The following NRXN3 variants were observed in gnomAD, a reference collection of about 807,000 sequenced individuals.
NRXN3 encodes the protein neurexin III.
NRXN3 carries 32 observed loss-of-function variants against 137.6 expected under a neutral mutation model. That is an observed-to-expected ratio of 0.23 (90% CI 0.18 to 0.31). The LOEUF (loss-of-function observed/expected upper bound fraction) is 0.31. Among genes scored for constraint, NRXN3 ranks in the 10% least tolerant of loss-of-function variants. The probability of loss-of-function intolerance (pLI) is 1.00; values close to 1 mark genes in which losing one functional copy is unlikely to be tolerated. For missense variants in NRXN3, 1,574 were observed against 2,062.5 expected, an observed-to-expected ratio of 0.76 and a Z score of 4.59; for synonymous variants, 798 against 784.5, an observed-to-expected ratio of 1.02 and a Z score of -0.29.
At chr14:78,496,726 A>G (rs545544871) in intron 4 of NRXN3, among the ~76,000 whole-genome samples, 1 of 152,144 alleles carries the variant, frequency 6.6e-6, no homozygotes, top group South Asian at 2.1e-4. Context: ...AGAGGTGCTG[A>G]GTAGGAGGAT....
intron 15 of NRXN3, among the ~76,000 whole-genome samples, chr14:79,214,237 C>T (rs987269621): frequency 6.6e-6 from 1 of 152,212 alleles, no homozygotes; most frequent in African/African-American, 2.4e-5. Flanking sequence ...ATTCTGTGGT[C>T]ACCTGGAAGG....
At chr14:78,297,739 G>A in intron 3 of NRXN3, 92 bp from the exon 4 acceptor site, 2 of 956,404 alleles carry the variant, frequency 2.1e-6, no homozygotes, top group Non-Finnish European at 3.2e-6. Flanking sequence ...GATTAAGATT[G>A]TATTGCATTT....
chr14:78,878,781 T>C (rs2099120130), intron 10 of NRXN3, among the ~76,000 whole-genome samples: 1 of 152,188 alleles, frequency 6.6e-6, no homozygotes, highest in East Asian at 1.9e-4. Context: ...TATTGTACAA[T>C]GGATTTCTTG....
intron 15 of NRXN3, among the ~76,000 whole-genome samples, chr14:79,275,537 A>G (rs61995415): frequency 0.032 from 4,846 of 152,226 alleles, 122 homozygotes; most frequent in Middle Eastern, 0.078. Context: ...GTAGAAAACA[A>G]GCAGATGGAC....
At chr14:79,566,918 G>A (rs2097555998) in intron 16 of NRXN3, among the ~76,000 whole-genome samples, 1 of 152,064 alleles carries the variant, frequency 6.6e-6, no homozygotes, top group Non-Finnish European at 1.5e-5. Flanking sequence ...GGAAATACAT[G>A]TTTACCTTGG....
intron 15 of NRXN3, among the ~76,000 whole-genome samples, chr14:79,018,858 A>C (rs1321983496): frequency 1.3e-5 from 2 of 152,168 alleles, no homozygotes. Flanking sequence ...GGTACTTCCA[A>C]GTTACTGAGC....
At chr14:79,397,219 C>T (rs1432458568) in intron 15 of NRXN3, among the ~76,000 whole-genome samples, 1 of 152,138 alleles carries the variant, frequency 6.6e-6, no homozygotes, top group African/African-American at 2.4e-5. Context: ...TTATGAAGCT[C>T]CTTTCAAAAC....
chr14:78,695,149 A>G (rs564611742), intron 6 of NRXN3, among the ~76,000 whole-genome samples: 1 of 151,962 alleles, frequency 6.6e-6, no homozygotes, highest in Admixed American at 6.6e-5. Context: ...CCATATTCAC[A>G]TCATCTCTCT....
chr14:78,484,250 G>A (rs890994290), intron 4 of NRXN3, among the ~76,000 whole-genome samples: 1 of 152,092 alleles, frequency 6.6e-6, no homozygotes, highest in African/African-American at 2.4e-5. Flanking sequence ...TAAATGACAA[G>A]GAAACACACA....
intron 19 of NRXN3, among the ~76,000 whole-genome samples, chr14:79,714,557 T>C (rs181208046): frequency 7.2e-5 from 11 of 151,998 alleles, no homozygotes; most frequent in African/African-American, 2.7e-4. Context: ...AGGGAGATTC[T>C]TGTTTTTTTT....
intron 15 of NRXN3, among the ~76,000 whole-genome samples, chr14:79,443,143 A>G (rs1463198432): frequency 1.3e-5 from 2 of 152,260 alleles, no homozygotes; most frequent in Non-Finnish European, 2.9e-5. Flanking sequence ...ATCATTTACA[A>G]TATAGGTGTT....
Position 79,037,446 on chromosome 14 carries a change from T to C in NRXN3, c.3262+49305T>C, listed in dbSNP as rs114660970. Among the ~76,000 whole-genome samples, 954 of 152,218 alleles carry C rather than the reference T, an allele frequency of 6.3e-3. 9 individuals are homozygous for C. The highest frequency in any genetic ancestry group is 0.022 in the African/African-American group (905 of 41,546). On this transcript the variant is annotated intron_variant, in intron 15 of 20. Coordinates refer to ENST00000335750, the MANE Select transcript of NRXN3 (RefSeq NM_001330195.2). ...GTACCACTTCCTCCCTTCTTAATTTTCCACCATTTATGCCAATTAGAAGCA... is the reference window on the plus strand; with the variant it reads ...GTACCACTTCCTCCCTTCTTAATTTCCCACCATTTATGCCAATTAGAAGCA...
intron 2 of NRXN3, among the ~76,000 whole-genome samples, chr14:78,256,386 C>A (rs2069604868): frequency 6.6e-6 from 1 of 152,324 alleles, no homozygotes; most frequent in Admixed American, 6.5e-5. Context: ...GGTGTTGGAC[C>A]ACAGAACGCA....
In NRXN3 at chr14:79,427,488, T is replaced by C. The variant is rs373373550; in HGVS notation, c.3263-39733T>C. The stretch of plus-strand genomic sequence containing the variant: ...CACACAACACACACAAAATTGTTCT[T>C]CTTGAAAGATACATGTAAATGAATG... On this transcript the variant is annotated intron_variant, in intron 15 of 20. Coordinates refer to ENST00000335750, the MANE Select transcript of NRXN3 (RefSeq NM_001330195.2). Among the ~76,000 whole-genome samples, 12 of 152,152 alleles carry C rather than the reference T, an allele frequency of 7.9e-5. No individual in the cohort carries two copies. In the South Asian group the frequency reaches 2.3e-3, roughly 29 times the overall value.
chr14:79,621,773 A>G (rs1454329637), intron 16 of NRXN3, among the ~76,000 whole-genome samples: 3 of 152,236 alleles, frequency 2.0e-5, no homozygotes, highest in African/African-American at 4.8e-5. Flanking sequence ...TATTTATAGC[A>G]TGACAAAAAT....
intron 11 of NRXN3, among the ~76,000 whole-genome samples, chr14:78,961,085 T>TA (rs1048533654): frequency 2.6e-5 from 4 of 151,794 alleles, no homozygotes; most frequent in Non-Finnish European, 5.9e-5. Flanking sequence ...TACACACTTT[T>TA]AAAAAATGCT....
At chr14:79,301,261 C>G (rs1326469362) in intron 15 of NRXN3, among the ~76,000 whole-genome samples, 1 of 152,064 alleles carries the variant, frequency 6.6e-6, no homozygotes, top group East Asian at 1.9e-4. Flanking sequence ...CTGTGATTGA[C>G]TGTGGCTGAG....
intron 16 of NRXN3, among the ~76,000 whole-genome samples, chr14:79,543,960 G>T (rs1373184413): frequency 1.3e-5 from 2 of 152,144 alleles, no homozygotes; most frequent in African/African-American, 4.8e-5. Context: ...GCAACCTTGA[G>T]CTAATGGTGT....
At chr14:79,682,229 T>A (rs1426782779) in intron 17 of NRXN3, among the ~76,000 whole-genome samples, 1 of 152,212 alleles carries the variant, frequency 6.6e-6, no homozygotes, top group Non-Finnish European at 1.5e-5. Flanking sequence ...GCCCCCATGC[T>A]GATCCATACT....
Sources: allele counts gnomAD v4.1 joint callset (sites outside exome capture counted in the v4.1 genomes callset), GRCh38; gene constraint gnomAD v4.1.1; transcripts MANE v1.5; gene names NCBI Gene and HGNC (gene_info 2026-07-23, HGNC 2026-07-21).